The following LMF1 variants were observed in gnomAD, a reference collection of about 807,000 sequenced individuals.
LMF1 encodes lipase maturation factor 1, also known as transmembrane protein 112.
A neutral mutation model predicts 60.6 loss-of-function variants in LMF1; 68 were observed. That is an observed-to-expected ratio of 1.12 (90% CI 0.92 to 1.37). The LOEUF is 1.37. LMF1 is among the 40% of genes most tolerant of loss of function. The pLI, the probability that LMF1 is intolerant of heterozygous loss-of-function variation, is 0.00. For synonymous variants in LMF1, 418 were observed against 324.7 expected, an observed-to-expected ratio of 1.29 and a Z score of -3.09; for missense variants, 948 against 767.2, an observed-to-expected ratio of 1.24 and a Z score of -2.78.
At chr16:945,403 G>C (rs1235293905) in intron 2 of LMF1, among the ~76,000 whole-genome samples, 1 of 151,676 alleles carries the variant, frequency 6.6e-6, no homozygotes, top group Non-Finnish European at 1.5e-5. Flanking sequence ...CTGGGTGCCT[G>C]TAGTCCCAGC....
intron 3 of LMF1, among the ~76,000 whole-genome samples, chr16:914,648 CT>C (rs1281363432): frequency 1.9e-4 from 29 of 149,926 alleles, no homozygotes; most frequent in Admixed American, 5.3e-4. Flanking sequence ...TCCCTCCCTC[CT>C]CATGACCATT....
At chr16:931,132 A>C (rs2071770661) in intron 3 of LMF1, among the ~76,000 whole-genome samples, 2 of 151,928 alleles carry the variant, frequency 1.3e-5, no homozygotes, top group Admixed American at 1.3e-4. Context: ...AAAAAAAAAA[A>C]GGTCTGGGAC....
At chr16:954,250 T>G (rs1292293141) in intron 2 of LMF1, 107 bp downstream of exon 2, 2 of 1,187,470 alleles carry the variant, frequency 1.7e-6, no homozygotes, top group Non-Finnish European at 1.2e-6. Flanking sequence ...CCTGAAGGAA[T>G]TTAAGATAAA....
chr16:957,579 G>A (rs1390701541), intron 1 of LMF1, among the ~76,000 whole-genome samples: 4 of 152,142 alleles, frequency 2.6e-5, no homozygotes, highest in Admixed American at 6.6e-5. Flanking sequence ...AGGCTGACAA[G>A]CTGATTCTAG....
chr16:906,218 G>A (rs551130215), intron 4 of LMF1, among the ~76,000 whole-genome samples: 71 of 152,230 alleles, frequency 4.7e-4, no homozygotes, highest in African/African-American at 1.4e-3. Context: ...TCTATTTTGC[G>A]GATGCAGCTA....
intron 4 of LMF1, among the ~76,000 whole-genome samples, chr16:895,070 G>C (rs1011184451): frequency 6.6e-6 from 1 of 152,158 alleles, no homozygotes; most frequent in African/African-American, 2.4e-5. Context: ...GGAGGCCCAG[G>C]AGCCCCTGGA....
At chr16:892,897 C>A in intron 5 of LMF1, 110 bp downstream of exon 5, 1 of 812,944 alleles carries the variant, frequency 1.2e-6, no homozygotes, top group Non-Finnish European at 1.9e-6. Flanking sequence ...ATGGGGGTGA[C>A]CCTGTGATGC....
rs902633859 is a variant in LMF1, at chr16:878,436, G to C, written c.897+1134C>G. Among the ~76,000 whole-genome samples the C allele has an allele frequency of 3.9e-5, 6 of 152,132 alleles. No individual in the cohort carries two copies. Among genetic ancestry groups the C allele is most frequent in the Non-Finnish European group, 8.8e-5 (6 of 68,022 alleles). On this transcript the variant is annotated intron_variant, in intron 6 of 10. Coordinates refer to ENST00000262301, the MANE Select transcript of LMF1 (RefSeq NM_022773.4). This position sits in a 1 kb window ranked among gnomAD's most constrained non-coding sequence, Gnocchi z 5.2. Reference sequence around the variant, plus strand: ...GGTCAAGAACAGCACAGCCACCCTGGACACGTGCAGCTTCCAGTAAGGTGA... The same window carrying C: ...GGTCAAGAACAGCACAGCCACCCTGCACACGTGCAGCTTCCAGTAAGGTGA...
chr16:933,982 T>TAATC, intron 3 of LMF1: 1 of 1,456,036 alleles, frequency 6.9e-7, no homozygotes, highest in South Asian at 1.2e-5. Flanking sequence ...GAAGCGGTGG[T>TAATC]AATCACACCT....
intron 1 of LMF1, among the ~76,000 whole-genome samples, chr16:965,074 A>C (rs2151490743): frequency 6.6e-6 from 1 of 152,340 alleles, no homozygotes; most frequent in South Asian, 2.1e-4. Context: ...TGGAACTGGA[A>C]AGACGAGCAA....
At chr16:927,585 G>A (rs2071646207) in intron 3 of LMF1, among the ~76,000 whole-genome samples, 1 of 152,250 alleles carries the variant, frequency 6.6e-6, no homozygotes, top group South Asian at 2.1e-4. Flanking sequence ...CTGACCCTGG[G>A]AGCTGGGAAG....
At position 854,507 on chromosome 16, in the gene LMF1, C is replaced by G; in HGVS notation, c.*25G>C. On this transcript the variant is annotated 3_prime_UTR_variant, in exon 11 of 11. Transcript: ENST00000262301. ...TTGCTGAGCCGCCGAGGGGCTGGGT[C>G]TTCGCCTTTATTTCTGGTGCACGTC... The G allele has an allele frequency of 1.3e-6, 2 of 1,597,282 alleles. No homozygotes were observed. The highest frequency in any genetic ancestry group is 2.2e-5 in the South Asian group (2 of 89,232).
intron 10 of LMF1, among the ~76,000 whole-genome samples, chr16:857,487 C>CAGTGGTGTCTCG (rs1567132333): frequency 3.0e-5 from 1 of 33,810 alleles, no homozygotes; most frequent in African/African-American, 1.1e-4. Context: ...GTGGTGTCAC[C>CAGTGGTGTCTCG]GGACGGGTGT....
chr16:956,485 A>C (rs2072707489), intron 1 of LMF1, among the ~76,000 whole-genome samples: 2 of 152,232 alleles, frequency 1.3e-5, no homozygotes, highest in Non-Finnish European at 2.9e-5. Flanking sequence ...GCTGAAAAAA[A>C]TTAAAAATAA....
chr16:952,999 A>ACACC (rs772204173), intron 2 of LMF1, among the ~76,000 whole-genome samples: 3 of 39,946 alleles, frequency 7.5e-5, no homozygotes, highest in South Asian at 1.5e-3. Context: ...ATCCACACAG[A>ACACC]CACCCCAAAC....
Position 870,076 on chromosome 16 carries a change from G to T in LMF1, c.1233-10C>A. The T allele has an allele frequency of 6.2e-7, 1 of 1,603,232 alleles. No individual in the cohort carries two copies. Among genetic ancestry groups the T allele is most frequent in the South Asian group, 1.1e-5 (1 of 90,806 alleles). On this transcript the variant is annotated splice_polypyrimidine_tract_variant and intron_variant, in intron 8 of 10. Transcript: ENST00000262301. ...CCGCTCCTTGGTGATGCTGCCGGGA[G>T]ACCGAGGCAGGCCAGGCCCACGTCA...
chr16:874,187 G>C lies in LMF1; in HGVS notation c.898-2846C>G, dbSNP rs1011731958. 3.3e-5 allele frequency among the ~76,000 whole-genome samples: 5 copies of C among 152,256 alleles called. No individual in the cohort carries two copies. Among genetic ancestry groups the C allele is most frequent in the African/African-American group, 1.2e-4 (5 of 41,464 alleles). On this transcript the variant is annotated intron_variant, in intron 6 of 10. Coordinates refer to ENST00000262301, the MANE Select transcript of LMF1 (RefSeq NM_022773.4). The surrounding 1 kb of genome is among the most constrained non-coding windows in gnomAD (Gnocchi z 4.1). ...CATGAACTTACTTTGCGTTATCTGTGTTGTTTCATCACAACCGAAACACAG... is the reference window on the plus strand; with the variant it reads ...CATGAACTTACTTTGCGTTATCTGTCTTGTTTCATCACAACCGAAACACAG...
intron 1 of LMF1, among the ~76,000 whole-genome samples, chr16:970,024 G>GAAGGGTCTCCGCCAGTGGACCCGGCC (rs1349563937): frequency 2.6e-5 from 4 of 152,202 alleles, no homozygotes; most frequent in South Asian, 4.1e-4. Flanking sequence ...GCTGTGGGGT[G>GAAGGGTCTCCGCCAGTGGACCCGGCC]AAGGGTCTCC....
intron 2 of LMF1, among the ~76,000 whole-genome samples, chr16:949,553 G>T (rs1351421656): frequency 7.0e-6 from 1 of 143,284 alleles, no homozygotes; most frequent in Non-Finnish European, 1.5e-5. Flanking sequence ...CAACGACAGA[G>T]TCAGAGACAA....
Sources: allele counts gnomAD v4.1 joint callset (sites outside exome capture counted in the v4.1 genomes callset), GRCh38; gene constraint gnomAD v4.1.1; non-coding constraint Gnocchi (gnomAD v3.1); transcripts MANE v1.5; gene names NCBI Gene and HGNC (gene_info 2026-07-23, HGNC 2026-07-21).